The following GALNTL6 variants were observed in gnomAD, a reference collection of about 807,000 sequenced individuals.
The protein encoded by GALNTL6 is polypeptide N-acetylgalactosaminyltransferase-like 6.
A neutral mutation model predicts 73.7 loss-of-function variants in GALNTL6; 46 were observed. The observed-to-expected ratio is 0.62, with a 90% CI of 0.49 to 0.80. GALNTL6 has a LOEUF of 0.80. Among genes scored for constraint, GALNTL6 ranks in the 30% least tolerant of loss-of-function variants. The pLI, the probability that GALNTL6 is intolerant of heterozygous loss-of-function variation, is 0.00. For missense variants in GALNTL6, 604 were observed against 755.0 expected, an observed-to-expected ratio of 0.80 and a Z score of 2.34; for synonymous variants, 259 against 263.7, an observed-to-expected ratio of 0.98 and a Z score of 0.17.
Position 172,809,448 on chromosome 4 carries a change from G to A in GALNTL6, c.641G>A (p.Arg214Gln), listed in dbSNP as rs146548110. The A allele has an allele frequency of 1.8e-5, 29 of 1,613,668 alleles. No individual in the cohort carries two copies. Among genetic ancestry groups the A allele is most frequent in the Non-Finnish European group, 2.5e-5 (29 of 1,179,822 alleles). The change falls in exon 6 of 13, where the codon CGG (arginine) becomes CAG (glutamine). Residue 214 changes from arginine (R) to glutamine (Q), a missense_variant. This residue lies in a region of GALNTL6 where 179 missense variants were observed against 230.8 expected (regional missense o/e 0.78). Coordinates refer to ENST00000506823, the MANE Select transcript of GALNTL6 (RefSeq NM_001034845.3). This position sits in a 1 kb window ranked among gnomAD's most constrained non-coding sequence, Gnocchi z 4.4. Reference sequence around the variant, plus strand: ...ACCAAGAAAAGAGAAGGACTCATCCGGACCCGTCTCCTGGGGGCATCTATG... The same window carrying A: ...ACCAAGAAAAGAGAAGGACTCATCCAGACCCGTCTCCTGGGGGCATCTATG... ...VRTKKREGLIRTRLLGASMAR... is the reference protein window; with the variant it reads ...VRTKKREGLIQTRLLGASMAR...
chr4:171,903,321 C>G (rs1032401261), intron 2 of GALNTL6, among the ~76,000 whole-genome samples: 204 of 152,164 alleles, frequency 1.3e-3, no homozygotes, highest in Non-Finnish European at 2.4e-3. Flanking sequence ...CGAGGCATTG[C>G]CTCACTCGGA....
intron 4 of GALNTL6, among the ~76,000 whole-genome samples, chr4:172,344,244 A>T (rs989189234): frequency 6.6e-6 from 1 of 152,200 alleles, no homozygotes. Flanking sequence ...AACCTAAAAT[A>T]TGCAGGTGCA....
At chr4:172,219,704 G>A (rs1233368680) in intron 2 of GALNTL6, among the ~76,000 whole-genome samples, 1 of 151,860 alleles carries the variant, frequency 6.6e-6, no homozygotes, top group Non-Finnish European at 1.5e-5. Flanking sequence ...TTAAGATTTA[G>A]ATTTTAAGTG....
intron 3 of GALNTL6, 94 bp downstream of exon 3, chr4:172,229,858 A>G: frequency 1.4e-6 from 1 of 721,268 alleles, no homozygotes; most frequent in East Asian, 2.6e-5. Context: ...TCTTCTGCAC[A>G]CTGTAAAGTA....
At chr4:172,824,605 A>G (rs1183098646) in intron 7 of GALNTL6, among the ~76,000 whole-genome samples, 2 of 152,086 alleles carry the variant, frequency 1.3e-5, no homozygotes, top group Non-Finnish European at 2.9e-5. Context: ...GGATACATAT[A>G]AATAATAGGA....
intron 8 of GALNTL6, among the ~76,000 whole-genome samples, chr4:172,908,813 T>C (rs925797617): frequency 6.6e-6 from 1 of 151,732 alleles, no homozygotes; most frequent in Non-Finnish European, 1.5e-5. Context: ...AAAAAAAGAC[T>C]TGAAAAAAAT....
At chr4:172,126,324 T>G (rs756653345) in intron 2 of GALNTL6, among the ~76,000 whole-genome samples, 17 of 152,088 alleles carry the variant, frequency 1.1e-4, no homozygotes, top group Non-Finnish European at 2.1e-4. Flanking sequence ...TAACATAACT[T>G]TAGACTTTCA....
intron 5 of GALNTL6, among the ~76,000 whole-genome samples, chr4:172,765,734 G>A (rs1738367961): frequency 6.6e-6 from 1 of 152,010 alleles, no homozygotes; most frequent in Non-Finnish European, 1.5e-5. Flanking sequence ...TTCCTCTTCA[G>A]TCGTCTCCCA....
intron 3 of GALNTL6, among the ~76,000 whole-genome samples, chr4:172,240,961 T>C (rs1016871110): frequency 1.3e-5 from 2 of 152,244 alleles, no homozygotes; most frequent in Non-Finnish European, 2.9e-5. Flanking sequence ...CTTTTTCACC[T>C]GTGTGGGCTG....
Position 172,552,837 on chromosome 4 carries a change from T to TAAAAAAAAAAAAAAAAAAAAAAAA in GALNTL6, c.553+204168_553+204169insAAAAAAAAAAAAAAAAAAAAAAAA, listed in dbSNP as rs397933315. ...TAGGCTGGTGCAAAAGTAATTGCAG[T>TAAAAAAAAAAAAAAAAAAAAAAAA]AAAAAAAAAAAAAAAAAAAAGGTAA... On this transcript the variant is annotated intron_variant, in intron 5 of 12. Transcript: ENST00000506823. Among the ~76,000 whole-genome samples, 10 of 80,408 alleles carry TAAAAAAAAAAAAAAAAAAAAAAAA rather than the reference T, an allele frequency of 1.2e-4. 1 individual carries two copies. Among genetic ancestry groups the TAAAAAAAAAAAAAAAAAAAAAAAA allele is most frequent in the African/African-American group, 4.1e-4 (7 of 17,002 alleles). The allele number at this position is 80,408 out of a possible 152,430, so 52.8% of individuals were successfully genotyped here. A position where few individuals can be genotyped will look rare whatever the true frequency, so the allele number is the denominator to read the frequency against.
At chr4:172,601,034 G>T (rs1316601756) in intron 5 of GALNTL6, among the ~76,000 whole-genome samples, 1 of 151,964 alleles carries the variant, frequency 6.6e-6, no homozygotes, top group African/African-American at 2.4e-5. Flanking sequence ...AATTGGCAAA[G>T]AACTTTCAGG....
At chr4:172,861,577 A>T (rs1744395500) in intron 7 of GALNTL6, among the ~76,000 whole-genome samples, 1 of 152,200 alleles carries the variant, frequency 6.6e-6, no homozygotes, top group African/African-American at 2.4e-5. Context: ...ACTTTAGCTC[A>T]GTCCTACCAA....
intron 8 of GALNTL6, among the ~76,000 whole-genome samples, chr4:172,887,124 G>A (rs906978857): frequency 1.3e-5 from 2 of 152,154 alleles, no homozygotes; most frequent in African/African-American, 4.8e-5. Context: ...TAGGATAATG[G>A]CCTCTAGCTG....
chr4:172,832,802 C>T (rs997012935), intron 7 of GALNTL6, among the ~76,000 whole-genome samples: 2 of 152,190 alleles, frequency 1.3e-5, no homozygotes, highest in Non-Finnish European at 2.9e-5. Flanking sequence ...TCTCTCCTAT[C>T]TGGGTGGCTT....
intron 2 of GALNTL6, among the ~76,000 whole-genome samples, chr4:172,166,727 A>C (rs1406815790): frequency 1.3e-5 from 2 of 152,174 alleles, no homozygotes; most frequent in African/African-American, 4.8e-5. Flanking sequence ...TTGCTTGTTT[A>C]TATCTTTCTT....
rs144391539 is a variant in GALNTL6, at chr4:172,577,803, C to T, written c.553+229114C>T. On this transcript the variant is annotated intron_variant, in intron 5 of 12. Coordinates refer to ENST00000506823, the MANE Select transcript of GALNTL6 (RefSeq NM_001034845.3). ...TTCATGATTTCACCCAGATGGCCAG[C>T]GATATATGACAGTCAGAAAATGTCA... Among the ~76,000 whole-genome samples the T allele has an allele frequency of 1.1e-3, 160 of 152,196 alleles. 1 individual carries two copies. The highest frequency in any genetic ancestry group is 1.8e-3 in the Non-Finnish European group (123 of 68,012).
chr4:171,961,458 A>AT (rs1426618804), intron 2 of GALNTL6, among the ~76,000 whole-genome samples: 1 of 152,150 alleles, frequency 6.6e-6, no homozygotes, highest in Non-Finnish European at 1.5e-5. Flanking sequence ...CTTATTTGAG[A>AT]TTCCTTCTAT....
chr4:171,902,873 T>G (rs561428409), intron 2 of GALNTL6, among the ~76,000 whole-genome samples: 2 of 152,294 alleles, frequency 1.3e-5, no homozygotes, highest in South Asian at 4.1e-4. Context: ...AAATAATTGC[T>G]TCTAGTACCC....
In GALNTL6 at chr4:172,559,300, G is replaced by C. The variant is rs375865172; in HGVS notation, c.553+210611G>C. ...AGGATGGTCTTGATCTCCTGATCTC[G>C]TGATCCACCCACCTCGGCCTCCCAA... is the stretch of plus-strand genomic sequence containing the variant. On this transcript the variant is annotated intron_variant, in intron 5 of 12. Coordinates refer to ENST00000506823, the MANE Select transcript of GALNTL6 (RefSeq NM_001034845.3). 9.6e-4 allele frequency among the ~76,000 whole-genome samples: 146 copies of C among 151,902 alleles called. 5 individuals are homozygous for C. In the South Asian group the frequency reaches 0.03, roughly 31 times the overall value.
Sources: gnomAD v4.1 joint callset for allele counts (sites outside exome capture counted in the v4.1 genomes callset) on GRCh38, gnomAD v4.1.1 for gene constraint, gnomAD v4.1.1 regional missense constraint, Gnocchi (gnomAD v3.1) non-coding constraint, MANE v1.5 for transcripts, NCBI Gene and HGNC (gene_info 2026-07-23, HGNC 2026-07-21) for gene names.